The following PCDH12 variants were observed in gnomAD, a reference collection of about 807,000 sequenced individuals.
The protein encoded by PCDH12 is protocadherin-12.
PCDH12 carries 45 observed loss-of-function variants against 70.9 expected under a neutral mutation model. The ratio of observed to expected loss-of-function variants is 0.63; its 90% CI spans 0.50 to 0.81. The LOEUF (loss-of-function observed/expected upper bound fraction) is 0.81, where lower values mean the gene tolerates loss of function less well. Among genes scored for constraint, PCDH12 ranks in the 40% least tolerant of loss-of-function variants. The probability of loss-of-function intolerance (pLI) is 0.00; values close to 1 mark genes in which losing one functional copy is unlikely to be tolerated. For missense variants in PCDH12, 1,370 were observed against 1,491.7 expected (o/e 0.92, Z 1.34); for synonymous variants, 567 against 626.0 (o/e 0.91, Z 1.41).
At position 141,957,288 on chromosome 5, in the gene PCDH12, A is replaced by G. The variant is rs775957499; in HGVS notation, c.564T>C (p.Pro188=). 4 of 1,613,474 alleles carry G rather than the reference A, an allele frequency of 2.5e-6. No individual in the cohort carries two copies. Among genetic ancestry groups the G allele is most frequent in the African/African-American group, 2.7e-5 (2 of 74,914 alleles). ...TGAGTTCTGCATGTTTGGTCTCATC[A>G]GGGCCCACAATGACATCCAAGGCAA... ...EHFALDVIVG[P]DETKHAELIV... Residue 188 remains proline (P), a synonymous_variant, in exon 1 of 4, where the codon CCT becomes CCC. Transcript: ENST00000231484. This position sits in a 1 kb window ranked among gnomAD's most constrained non-coding sequence, Gnocchi z 4.3.
Position 141,956,503 on chromosome 5 carries a change from A to G in PCDH12, c.1349T>C (p.Ile450Thr), listed in dbSNP as rs746341252. The G allele has an allele frequency of 1.7e-5, 28 of 1,614,048 alleles. No homozygotes were observed. The South Asian group carries it at 2.3e-4, about 13-fold the overall frequency. ...LSAKKQLSIQ[I>T]SDINDNAPVF... ...AGGTGCATTGTCGTTGATGTCACTG[A>G]TCTGAATGCTGAGCTGTTTCTTGGC... is the stretch of plus-strand genomic sequence containing the variant. The change falls in exon 1 of 4, where the codon ATC becomes ACC. Residue 450 changes from isoleucine (I) to threonine (T), a missense_variant. Transcript: ENST00000231484.
Position 141,945,252 on chromosome 5 carries a change from G to C in PCDH12, c.*129C>G. On this transcript the variant is annotated 3_prime_UTR_variant, in exon 4 of 4. Coordinates refer to ENST00000231484, the MANE Select transcript of PCDH12 (RefSeq NM_016580.4). ...CCTGGGGCTCTTGCCTCCTCTGTGGGGGTAGCATCAGTCACCCTAAAGTTC... is the reference window on the plus strand; with the variant it reads ...CCTGGGGCTCTTGCCTCCTCTGTGGCGGTAGCATCAGTCACCCTAAAGTTC... The C allele has an allele frequency of 8.9e-7, 1 of 1,126,386 alleles. No individual in the cohort carries two copies. Among genetic ancestry groups the C allele is most frequent in the Non-Finnish European group, 1.3e-6 (1 of 790,130 alleles). The allele number at this position is 1,126,386 out of a possible 1,614,324, so 69.8% of individuals were successfully genotyped here.
At chr5:141,948,854 C>T (rs1471957433) in intron 3 of PCDH12, among the ~76,000 whole-genome samples, 1 of 152,082 alleles carries the variant, frequency 6.6e-6, no homozygotes, top group African/African-American at 2.4e-5. Flanking sequence ...AGATGCTTCC[C>T]CAGTGCCTGG....
chr5:141,948,438 G>A (rs964862771), intron 3 of PCDH12, among the ~76,000 whole-genome samples: 3 of 152,232 alleles, frequency 2.0e-5, no homozygotes, highest in Admixed American at 2.0e-4. Flanking sequence ...GGGATGGTCT[G>A]CCGTGGGGTG....
At chr5:141,945,886 A>G in intron 3 of PCDH12, 81 bp from the exon 4 acceptor site, 2 of 1,300,972 alleles carry the variant, frequency 1.5e-6, no homozygotes, top group Middle Eastern at 2.6e-4. Context: ...TGAGCAGGGC[A>G]AGGGCAGTGG....
intron 1 of PCDH12, among the ~76,000 whole-genome samples, chr5:141,954,497 TAGA>T (rs1438998324): frequency 1.3e-5 from 2 of 152,226 alleles, no homozygotes; most frequent in Admixed American, 1.3e-4. Context: ...CAAGCAAACT[TAGA>T]AGATGGGTGG....
intron 1 of PCDH12, among the ~76,000 whole-genome samples, chr5:141,954,000 T>C (rs983012302): frequency 6.6e-6 from 1 of 152,224 alleles, no homozygotes; most frequent in African/African-American, 2.4e-5. Flanking sequence ...GTTTCCCCAC[T>C]TGTGTCTAGA....
intron 1 of PCDH12, 38 bp from the exon 2 acceptor site, chr5:141,951,628 C>G (rs767185939): frequency 1.4e-6 from 2 of 1,432,894 alleles, no homozygotes; most frequent in East Asian, 4.5e-5. Flanking sequence ...CCACACAATT[C>G]CGACTCAGCA....
intron 3 of PCDH12, 40 bp from the exon 4 acceptor site, chr5:141,945,845 G>C: frequency 6.3e-7 from 1 of 1,581,120 alleles, no homozygotes. Context: ...GCCAGGCTCC[G>C]GGAAGGGCCA....
chr5:141,945,164 C>T lies in PCDH12; in HGVS notation c.*217G>A. 1.6e-6 allele frequency: 1 copy of T among 630,544 alleles called. No homozygotes were observed. The highest frequency in any genetic ancestry group is 2.6e-5 in the East Asian group (1 of 38,084). The allele number at this position is 630,544 out of a possible 1,614,324, so 39.1% of individuals were successfully genotyped here. A position where few individuals can be genotyped will look rare whatever the true frequency, so the allele number is the denominator to read the frequency against. ...AACACTTATCTCAGCCACAAACCGTCCCTGTCCTCCAAAAGACTCAGAGCT... is the reference window on the plus strand; with the variant it reads ...AACACTTATCTCAGCCACAAACCGTTCCTGTCCTCCAAAAGACTCAGAGCT... On this transcript the variant is annotated 3_prime_UTR_variant, in exon 4 of 4. Coordinates refer to ENST00000231484, the MANE Select transcript of PCDH12 (RefSeq NM_016580.4).
In PCDH12 at chr5:141,945,451, C is replaced by T. The variant is rs772049893; in HGVS notation, c.3485G>A (p.Gly1162Glu). The change falls in exon 4 of 4, where the codon GGG (glycine) becomes GAG (glutamate). Residue 1162 changes from glycine to glutamate, a missense_variant. Gly to Glu is a moderately conservative substitution (Grantham distance 98). Transcript: ENST00000231484. ...AGTCCCCGTCTTTCCACCTGGGTCC[C>T]CTTGCACTTTCATGCCTGAGGCTGC... ...TSAASGMKVQ[G>E]DPGGKTGTEG... is the part of the protein sequence containing the mutation. The T allele has an allele frequency of 6.8e-6, 11 of 1,613,214 alleles. No homozygotes were observed. The highest frequency in any genetic ancestry group is 9.3e-6 in the Non-Finnish European group (11 of 1,179,658).
In PCDH12 at chr5:141,956,546, C is replaced by T; in HGVS notation, c.1306G>A (p.Gly436Arg). Residue 436 changes from glycine (G) to arginine (R), a missense_variant, in exon 1 of 4, where the codon GGA (glycine) becomes AGA (arginine). Physicochemically the swap from Gly to Arg is moderately radical, Grantham distance 125 (BLOSUM62 -2). Transcript: ENST00000231484. ...TTCTTGGCTGATAAGGGCTGGAGTC[C>T]TTGGTCTTGGGCTAACAGAGTGAGG... ...YTLTLLAQDQGLQPLSAKKQL... is the reference protein window; with the variant it reads ...YTLTLLAQDQRLQPLSAKKQL... 6.2e-7 allele frequency: 1 copy of T among 1,614,198 alleles called. No homozygotes were observed. The highest frequency in any genetic ancestry group is 8.5e-7 in the Non-Finnish European group (1 of 1,180,038).
At chr5:141,946,968 C>G (rs1752951046) in intron 3 of PCDH12, among the ~76,000 whole-genome samples, 1 of 150,836 alleles carries the variant, frequency 6.6e-6, no homozygotes, top group Non-Finnish European at 1.5e-5. Context: ...AGGTGAGTTA[C>G]TTTAAAATCT....
chr5:141,946,261 C>G (rs945912859), intron 3 of PCDH12, among the ~76,000 whole-genome samples: 1 of 152,184 alleles, frequency 6.6e-6, no homozygotes, highest in African/African-American at 2.4e-5. Flanking sequence ...GGTTCCCATC[C>G]ATAATAATAG....
At position 141,956,980 on chromosome 5, in the gene PCDH12, A is replaced by G. The variant is rs1314338562; in HGVS notation, c.872T>C (p.Val291Ala). 2 of 1,614,056 alleles carry G rather than the reference A, an allele frequency of 1.2e-6. No individual in the cohort carries two copies. The highest frequency in any genetic ancestry group is 1.7e-6 in the Non-Finnish European group (2 of 1,179,998). Residue 291 changes from valine (V) to alanine (A), a missense_variant, in exon 1 of 4, where the codon GTG (valine) becomes GCG (alanine). Physicochemically the swap from Val to Ala is moderately conservative, Grantham distance 64. Transcript: ENST00000231484. The part of the protein sequence containing the change: ...FFLSKHMPPE[V>A]LDTFSIDAKT... ...GGCATCAATACTGAAGGTGTCCAGC[A>G]CCTCTGGAGGCATGTGCTTACTGAG...
rs368919063 is a variant in PCDH12, at chr5:141,955,587, G to A, written c.2265C>T (p.Ala755=). The change falls in exon 1 of 4, where the codon GCC becomes GCT. Residue 755 remains alanine, a synonymous_variant. Coordinates refer to ENST00000231484, the MANE Select transcript of PCDH12 (RefSeq NM_016580.4). The surrounding 1 kb of genome is among the most constrained non-coding windows in gnomAD (Gnocchi z 5.5). ...KDNRAYNCRE[A]ESTYRQQPKR... is the part of the protein sequence containing the mutation. ...TGGGCTGCTGGCGGTAGGTGGACTC[G>A]GCCTCCCGACAGTTGTAGGCCCTGT... is the stretch of plus-strand genomic sequence containing the variant. 5.5e-5 allele frequency: 88 copies of A among 1,613,956 alleles called. 1 individual carries two copies. The South Asian group carries it at 8.0e-4, about 15-fold the overall frequency.
chr5:141,949,832 G>A (rs935209652), intron 2 of PCDH12, among the ~76,000 whole-genome samples: 2 of 152,140 alleles, frequency 1.3e-5, no homozygotes, highest in Admixed American at 6.5e-5. Context: ...GACGTTGTAG[G>A]TAGAGGGGCC....
rs1596642718 is a variant in PCDH12 at position 141,949,680 on chromosome 5, G to C, written c.2979-97C>G. 9.8e-6 allele frequency: 14 copies of C among 1,432,844 alleles called. No individual in the cohort carries two copies. In the East Asian group the frequency reaches 3.4e-4, roughly 34 times the overall value. 88.8% of individuals were successfully genotyped at this position (1,432,844 alleles called of 1,614,324 possible). A position where few individuals can be genotyped will look rare whatever the true frequency, so the allele number is the denominator to read the frequency against. ...GTTTGCATTCATTTACCCATATAGG[G>C]AACTGGATACACAGCCTGGCCTCTA... On this transcript the variant is annotated intron_variant, in intron 2 of 3. Transcript: ENST00000231484.
intron 3 of PCDH12, among the ~76,000 whole-genome samples, chr5:141,946,331 A>T (rs1215934939): frequency 2.0e-5 from 3 of 152,206 alleles, no homozygotes; most frequent in African/African-American, 7.2e-5. Flanking sequence ...ATTTAACTTC[A>T]CAAACCTTTG....
Sources: allele counts gnomAD v4.1 joint callset (sites outside exome capture counted in the v4.1 genomes callset), GRCh38; gene constraint gnomAD v4.1.1; non-coding constraint Gnocchi (gnomAD v3.1); transcripts MANE v1.5; gene names NCBI Gene and HGNC (gene_info 2026-07-23, HGNC 2026-07-21).